Variants in VPS8 observed in about 807,000 individuals in gnomAD.
VPS8 encodes vacuolar protein sorting-associated protein 8 homolog.
A neutral mutation model predicts 216.4 loss-of-function variants in VPS8; 129 were observed. The observed-to-expected ratio is 0.60, with a 90% CI of 0.52 to 0.69. The LOEUF (loss-of-function observed/expected upper bound fraction) is 0.69, where lower values mean the gene tolerates loss of function less well. VPS8 is among the 30% of genes least tolerant of loss of function. The pLI is 0.00. For synonymous variants in VPS8, 571 were observed against 565.4 expected (o/e 1.01, Z -0.14); for missense variants, 1,531 against 1,683.5 (o/e 0.91, Z 1.59).
At chr3:184,908,234 T>C (rs986442936) in intron 25 of VPS8, among the ~76,000 whole-genome samples, 1 of 152,146 alleles carries the variant, frequency 6.6e-6, no homozygotes, top group Non-Finnish European at 1.5e-5. Flanking sequence ...ATAGGTCAAA[T>C]AGTGACAATT....
intron 34 of VPS8, 59 bp from the exon 35 acceptor site, chr3:184,936,187 G>A (rs2109286593): frequency 6.9e-7 from 1 of 1,453,206 alleles, no homozygotes; most frequent in Non-Finnish European, 9.5e-7. Context: ...CCTCACATCT[G>A]TGGATATGCT....
chr3:185,010,737 C>T (rs533072256), intron 45 of VPS8, among the ~76,000 whole-genome samples: 7 of 152,286 alleles, frequency 4.6e-5, no homozygotes, highest in African/African-American at 1.7e-4. Flanking sequence ...TACAGTGGCT[C>T]ATGCCTGTAA....
At chr3:184,878,254 G>A (rs1278429453) in intron 21 of VPS8, among the ~76,000 whole-genome samples, 1 of 151,912 alleles carries the variant, frequency 6.6e-6, no homozygotes, top group Non-Finnish European at 1.5e-5. Context: ...GGGATTACAG[G>A]TGCCCGCCAC....
intron 45 of VPS8, among the ~76,000 whole-genome samples, chr3:185,015,712 G>A (rs1030372721): frequency 2.0e-5 from 3 of 152,204 alleles, no homozygotes; most frequent in East Asian, 3.8e-4. Flanking sequence ...AGCTAAATGG[G>A]TTTGCCAAGT....
intron 46 of VPS8, among the ~76,000 whole-genome samples, chr3:185,045,946 A>G (rs1712799420): frequency 6.6e-6 from 1 of 152,142 alleles, no homozygotes; most frequent in Admixed American, 6.5e-5. Context: ...GATCATCAGG[A>G]CCTCGTTTTC....
At chr3:184,872,282 G>A (rs1203490888) in intron 21 of VPS8, among the ~76,000 whole-genome samples, 1 of 152,152 alleles carries the variant, frequency 6.6e-6, no homozygotes, top group East Asian at 1.9e-4. Context: ...GAATGAGTGT[G>A]TATGTGTGTG....
chr3:184,999,633 C>G, intron 44 of VPS8, 63 bp from the exon 45 acceptor site: 1 of 1,505,650 alleles, frequency 6.6e-7, no homozygotes, highest in Non-Finnish European at 8.9e-7. Flanking sequence ...AGTACACTTA[C>G]AAGCTTATAT....
At chr3:184,892,664 GCTT>G (rs1472498955) in intron 22 of VPS8, among the ~76,000 whole-genome samples, 1 of 152,070 alleles carries the variant, frequency 6.6e-6, no homozygotes, top group African/African-American at 2.4e-5. Context: ...TATTTTTCTT[GCTT>G]CTTTATATTA....
intron 21 of VPS8, among the ~76,000 whole-genome samples, chr3:184,880,262 A>G (rs1730042785): frequency 6.6e-6 from 1 of 152,186 alleles, no homozygotes; most frequent in Non-Finnish European, 1.5e-5. Flanking sequence ...GAACATTTTC[A>G]TCACCACATG....
intron 21 of VPS8, among the ~76,000 whole-genome samples, chr3:184,878,012 A>AT (rs1420253596): frequency 1.3e-5 from 2 of 152,102 alleles, no homozygotes; most frequent in African/African-American, 4.8e-5. Context: ...ATGTGTTTTT[A>AT]TTTGTTTTTG....
intron 8 of VPS8, among the ~76,000 whole-genome samples, chr3:184,848,471 G>A (rs772500413): frequency 2.7e-5 from 4 of 149,542 alleles, no homozygotes; most frequent in Non-Finnish European, 5.9e-5. Flanking sequence ...GTGACGGTTT[G>A]TTTAAGGAGA....
At chr3:184,864,662 A>AC (rs1473524808) in intron 16 of VPS8, among the ~76,000 whole-genome samples, 1 of 152,244 alleles carries the variant, frequency 6.6e-6, no homozygotes, top group Non-Finnish European at 1.5e-5. Context: ...TAAATGGCGC[A>AC]CTGGTCCCAG....
chr3:184,845,828 G>C (rs575913715), intron 8 of VPS8, among the ~76,000 whole-genome samples: 6 of 151,078 alleles, frequency 4.0e-5, no homozygotes, highest in African/African-American at 1.5e-4. Flanking sequence ...AGTCAAAGTA[G>C]ATTACATTTG....
intron 6 of VPS8, 184 bp downstream of exon 6, chr3:184,838,930 G>C: frequency 3.9e-6 from 2 of 516,132 alleles, no homozygotes; most frequent in South Asian, 6.3e-5. Flanking sequence ...CTAATTTTTT[G>C]TTACTTTTTA....
At chr3:184,866,130 C>T (rs955611680) in intron 16 of VPS8, among the ~76,000 whole-genome samples, 1 of 151,970 alleles carries the variant, frequency 6.6e-6, no homozygotes, top group Non-Finnish European at 1.5e-5. Context: ...TGTTAATAAC[C>T]GAAGAGTGAA....
intron 2 of VPS8, 65 bp downstream of exon 2, chr3:184,824,850 AC>A: frequency 1.4e-6 from 2 of 1,455,340 alleles, no homozygotes; most frequent in South Asian, 2.5e-5. Flanking sequence ...ATGCTTTGTG[AC>A]CCAGAGACTC....
At chr3:185,012,353 T>G (rs1163496650) in intron 45 of VPS8, among the ~76,000 whole-genome samples, 1 of 147,796 alleles carries the variant, frequency 6.8e-6, no homozygotes, top group Non-Finnish European at 1.5e-5. Context: ...TCTATAATTT[T>G]TATATATGAT....
intron 21 of VPS8, among the ~76,000 whole-genome samples, chr3:184,876,159 TATC>T (rs1729235578): frequency 6.6e-6 from 1 of 152,292 alleles, no homozygotes; most frequent in South Asian, 2.1e-4. Flanking sequence ...GCTTCCCTGA[TATC>T]ATGCATTCCA....
intron 22 of VPS8, among the ~76,000 whole-genome samples, chr3:184,888,832 C>T (rs535907974): frequency 1.3e-5 from 2 of 152,252 alleles, no homozygotes; most frequent in South Asian, 4.1e-4. Context: ...TGATACCTGA[C>T]ACAATATAGC....
Sources: gnomAD v4.1 joint callset for allele counts (sites outside exome capture counted in the v4.1 genomes callset) on GRCh38, gnomAD v4.1.1 for gene constraint, MANE v1.5 for transcripts, NCBI Gene and HGNC (gene_info 2026-07-23, HGNC 2026-07-21) for gene names.